Variants in CSMD3 observed in about 807,000 individuals in gnomAD.
CSMD3 encodes CUB and sushi domain-containing protein 3.
In CSMD3, 177 loss-of-function variants were observed where a neutral mutation model predicts 435.2. The observed-to-expected ratio is 0.41, with a 90% CI of 0.36 to 0.46. CSMD3 has a LOEUF of 0.46. Ranked by LOEUF, CSMD3 falls within the 20% of genes least tolerant of loss-of-function variation. The pLI is 0.34. For missense variants in CSMD3, 4,265 were observed against 4,504.6 expected (o/e 0.95, Z 1.52); for synonymous variants, 1,656 against 1,520.5 (o/e 1.09, Z -2.07).
At chr8:113,016,843 T>G (rs2131157767) in intron 6 of CSMD3, among the ~76,000 whole-genome samples, 1 of 152,044 alleles carries the variant, frequency 6.6e-6, no homozygotes, top group Admixed American at 6.5e-5. Context: ...TGCAGCCATT[T>G]AAGTTATCTT....
intron 22 of CSMD3, among the ~76,000 whole-genome samples, chr8:112,594,679 A>T (rs1286861574): frequency 6.6e-6 from 1 of 152,184 alleles, no homozygotes; most frequent in Non-Finnish European, 1.5e-5. Context: ...GAACGGGCAG[A>T]CTGCCTCCTC....
At chr8:112,482,423 A>G (rs1398384295) in intron 31 of CSMD3, among the ~76,000 whole-genome samples, 4 of 152,236 alleles carry the variant, frequency 2.6e-5, no homozygotes, top group East Asian at 1.9e-4. Context: ...AAAGTGTACA[A>G]TTGAATGCTT....
At chr8:113,302,783 G>C (rs1481611502) in intron 2 of CSMD3, among the ~76,000 whole-genome samples, 1 of 142,532 alleles carries the variant, frequency 7.0e-6, no homozygotes, top group Non-Finnish European at 1.5e-5. Context: ...AGCTATCTAT[G>C]ACAAACCCAC....
At chr8:112,634,870 T>C (rs952974752) in intron 22 of CSMD3, among the ~76,000 whole-genome samples, 1 of 151,794 alleles carries the variant, frequency 6.6e-6, no homozygotes, top group Non-Finnish European at 1.5e-5. Context: ...GAGGAAAAAA[T>C]TGGGCTTTGG....
chr8:112,582,945 A>G (rs1169382420), intron 23 of CSMD3, among the ~76,000 whole-genome samples: 1 of 152,080 alleles, frequency 6.6e-6, no homozygotes. Context: ...TCTTGAACTT[A>G]CCAGCCTTCA....
chr8:113,073,664 T>A lies in CSMD3; in HGVS notation c.917+25092A>T, dbSNP rs148437762. Among the ~76,000 whole-genome samples the A allele has an allele frequency of 3.0e-4, 46 of 151,980 alleles. 1 individual carries two copies. The East Asian group carries it at 8.7e-3, about 29-fold the overall frequency. On this transcript the variant is annotated intron_variant, in intron 5 of 70. Coordinates refer to ENST00000297405, the MANE Select transcript of CSMD3 (RefSeq NM_198123.2). Reference sequence around the variant, plus strand: ...TTTGAAAATGTAGCAGCCTAACTTGTTAGTGGATAAGTAGGATACAAAAGT... The same window carrying A: ...TTTGAAAATGTAGCAGCCTAACTTGATAGTGGATAAGTAGGATACAAAAGT...
At chr8:112,498,702 A>G (rs2130889498) in intron 30 of CSMD3, among the ~76,000 whole-genome samples, 1 of 152,162 alleles carries the variant, frequency 6.6e-6, no homozygotes, top group Non-Finnish European at 1.5e-5. Flanking sequence ...GATTTGTTAA[A>G]AGGTTTCTTT....
At chr8:113,212,167 G>A (rs2132083320) in intron 3 of CSMD3, among the ~76,000 whole-genome samples, 1 of 152,208 alleles carries the variant, frequency 6.6e-6, no homozygotes, top group Non-Finnish European at 1.5e-5. Context: ...AATTTATTAT[G>A]TTCATGGCAT....
In CSMD3 at chr8:112,434,590, G is replaced by A. The variant is rs932512873; in HGVS notation, c.5396-25558C>T. Among the ~76,000 whole-genome samples the A allele has an allele frequency of 3.3e-5, 5 of 152,142 alleles. No individual in the cohort carries two copies. The South Asian group carries it at 6.2e-4, about 19-fold the overall frequency. ...CTTTTTCCCAGAATAAGATTGTAAA[G>A]TCTTCCAGAAGAGAGAAGAAAACAA... On this transcript the variant is annotated intron_variant, in intron 32 of 70. Transcript: ENST00000297405.
At chr8:113,160,802 C>A (rs557302786) in intron 4 of CSMD3, among the ~76,000 whole-genome samples, 1 of 152,140 alleles carries the variant, frequency 6.6e-6, no homozygotes, top group Non-Finnish European at 1.5e-5. Context: ...ATATTCTACT[C>A]CAACATGCCT....
intron 10 of CSMD3, among the ~76,000 whole-genome samples, chr8:112,886,395 G>A (rs1416574643): frequency 6.7e-6 from 1 of 150,298 alleles, no homozygotes; most frequent in African/African-American, 2.4e-5. Flanking sequence ...AATTTTTAAA[G>A]TCTAAAGAAG....
chr8:112,589,539 G>A (rs1831002200), intron 22 of CSMD3, among the ~76,000 whole-genome samples: 1 of 152,100 alleles, frequency 6.6e-6, no homozygotes, highest in African/African-American at 2.4e-5. Context: ...ATGGTTCCAT[G>A]CTTATGAATG....
At chr8:112,632,263 A>G (rs575523128) in intron 22 of CSMD3, among the ~76,000 whole-genome samples, 1 of 152,136 alleles carries the variant, frequency 6.6e-6, no homozygotes, top group East Asian at 1.9e-4. Context: ...ATAAATAACT[A>G]TCATCATATA....
At chr8:112,726,175 C>G (rs762705096) in intron 13 of CSMD3, among the ~76,000 whole-genome samples, 1 of 151,954 alleles carries the variant, frequency 6.6e-6, no homozygotes, top group African/African-American at 2.4e-5. Flanking sequence ...GATTCAATTA[C>G]CTCCACCTGG....
chr8:113,303,778 T>C (rs201554314), intron 2 of CSMD3, among the ~76,000 whole-genome samples: 3 of 136,652 alleles, frequency 2.2e-5, no homozygotes, highest in South Asian at 2.6e-4. Context: ...GGATTAAAGA[T>C]TTAAACGTTA....
At chr8:112,648,747 T>C (rs1284701523) in intron 19 of CSMD3, among the ~76,000 whole-genome samples, 3 of 152,156 alleles carry the variant, frequency 2.0e-5, no homozygotes, top group African/African-American at 7.2e-5. Flanking sequence ...TCTTATAATA[T>C]TGCCTCCATA....
Position 113,089,545 on chromosome 8 carries a change from C to T in CSMD3, c.917+9211G>A, listed in dbSNP as rs2089930047. ...CTTGTTAAATACATGGAAGAAAAACCCTGAAATTTTTTATTGCAAGAGAGA... is the reference window on the plus strand; with the variant it reads ...CTTGTTAAATACATGGAAGAAAAACTCTGAAATTTTTTATTGCAAGAGAGA... On this transcript the variant is annotated intron_variant, in intron 5 of 70. Transcript: ENST00000297405. Among the ~76,000 whole-genome samples, 3 of 151,656 alleles carry T rather than the reference C, an allele frequency of 2.0e-5. No homozygotes were observed. In the South Asian group the frequency reaches 6.2e-4, roughly 32 times the overall value.
At chr8:112,801,247 A>G (rs541339312) in intron 12 of CSMD3, among the ~76,000 whole-genome samples, 118 of 152,120 alleles carry the variant, frequency 7.8e-4, no homozygotes, top group Non-Finnish European at 1.4e-3. Context: ...GAGAGTGTTT[A>G]GTCTCTTAAA....
At chr8:112,578,322 G>A (rs969586289) in intron 23 of CSMD3, among the ~76,000 whole-genome samples, 4 of 151,842 alleles carry the variant, frequency 2.6e-5, no homozygotes, top group African/African-American at 9.7e-5. Flanking sequence ...CTTTACAGGG[G>A]CATTCGGTTT....
Sources: gnomAD v4.1 joint callset for allele counts (sites outside exome capture counted in the v4.1 genomes callset) on GRCh38, gnomAD v4.1.1 for gene constraint, MANE v1.5 for transcripts, NCBI Gene and HGNC (gene_info 2026-07-23, HGNC 2026-07-21) for gene names.